WDR41: variants seen among roughly 807,000 people sequenced by gnomAD.
WDR41 encodes WD repeat-containing protein 41.
Under a neutral mutation model 69.3 loss-of-function variants are expected in WDR41, and 63 were observed. The ratio of observed to expected loss-of-function variants is 0.91; its 90% CI spans 0.74 to 1.12. The LOEUF (loss-of-function observed/expected upper bound fraction) is 1.12, where lower values mean the gene tolerates loss of function less well. Among genes scored for constraint, WDR41 ranks in the 50% most tolerant of loss-of-function variants. The probability of loss-of-function intolerance (pLI) is 0.00; values close to 1 mark genes in which losing one functional copy is unlikely to be tolerated. For synonymous variants in WDR41, 185 were observed against 192.1 expected, an observed-to-expected ratio of 0.96 and a Z score of 0.31; for missense variants, 543 against 534.5, an observed-to-expected ratio of 1.02 and a Z score of -0.16.
intron 1 of WDR41, among the ~76,000 whole-genome samples, chr5:77,609,947 C>A (rs1379435951): frequency 5.9e-5 from 9 of 151,962 alleles, no homozygotes; most frequent in African/African-American, 2.2e-4. Context: ...ATAACCAATA[C>A]AGAGAAGTGC....
intron 9 of WDR41, among the ~76,000 whole-genome samples, chr5:77,439,070 G>A (rs1799055676): frequency 6.6e-6 from 1 of 152,132 alleles, no homozygotes; most frequent in Admixed American, 6.5e-5. Flanking sequence ...AATGAAACAT[G>A]GAGTCAATAT....
At chr5:77,588,874 A>G (rs745621241) in intron 1 of WDR41, among the ~76,000 whole-genome samples, 53 of 152,356 alleles carry the variant, frequency 3.5e-4, no homozygotes, top group Middle Eastern at 3.4e-3. Flanking sequence ...AAAGAAGCTT[A>G]TATGACAGAT....
chr5:77,504,630 A>G (rs943828502), intron 1 of WDR41, among the ~76,000 whole-genome samples: 14 of 152,200 alleles, frequency 9.2e-5, no homozygotes, highest in African/African-American at 3.1e-4. Flanking sequence ...CCTCAATAAA[A>G]TACTGGCAAA....
intron 1 of WDR41, among the ~76,000 whole-genome samples, chr5:77,559,141 T>C (rs1337932570): frequency 6.6e-6 from 1 of 152,158 alleles, no homozygotes; most frequent in Non-Finnish European, 1.5e-5. Flanking sequence ...ACCAGCTATA[T>C]AGAGAGGGAA....
chr5:77,506,188 C>A (rs918926129), intron 1 of WDR41, among the ~76,000 whole-genome samples: 4 of 151,862 alleles, frequency 2.6e-5, no homozygotes, highest in African/African-American at 9.7e-5. Flanking sequence ...AACAAATTTA[C>A]AAGAAAAAAA....
intron 1 of WDR41, among the ~76,000 whole-genome samples, chr5:77,528,829 CTCA>C (rs774192883): frequency 2.6e-5 from 4 of 151,480 alleles, no homozygotes; most frequent in Non-Finnish European, 4.4e-5. Flanking sequence ...AATTCGATAT[CTCA>C]TCATTATTTT....
chr5:77,490,392 G>A (rs1801720172), intron 1 of WDR41, among the ~76,000 whole-genome samples: 1 of 152,130 alleles, frequency 6.6e-6, no homozygotes, highest in African/African-American at 2.4e-5. Context: ...AATGTCTCCA[G>A]ACATTGCCAA....
intron 1 of WDR41, among the ~76,000 whole-genome samples, chr5:77,556,435 T>C (rs73126033): frequency 0.17 from 25,479 of 151,784 alleles, 3,514 homozygotes; most frequent in African/African-American, 0.36. Context: ...TGAGGTGGAG[T>C]CTCGCTCTAC....
intron 2 of WDR41, among the ~76,000 whole-genome samples, chr5:77,486,094 G>A (rs377596333): frequency 1.3e-5 from 2 of 152,164 alleles, no homozygotes; most frequent in East Asian, 1.9e-4. Flanking sequence ...AAACTATTAA[G>A]AGTAAAAACA....
At chr5:77,549,918 T>C (rs1271832665) in intron 1 of WDR41, among the ~76,000 whole-genome samples, 1 of 151,852 alleles carries the variant, frequency 6.6e-6, no homozygotes, top group Non-Finnish European at 1.5e-5. Flanking sequence ...TGAAACAGAA[T>C]AGAAAACCCA....
intron 1 of WDR41, among the ~76,000 whole-genome samples, chr5:77,511,053 A>C (rs933481112): frequency 6.6e-6 from 1 of 152,118 alleles, no homozygotes; most frequent in Non-Finnish European, 1.5e-5. Flanking sequence ...CACCACACCC[A>C]GCCCAAATTT....
intron 1 of WDR41, among the ~76,000 whole-genome samples, chr5:77,515,673 A>T (rs1032699154): frequency 6.6e-6 from 1 of 152,178 alleles, no homozygotes; most frequent in Non-Finnish European, 1.5e-5. Flanking sequence ...CATGCATTGC[A>T]CTTTGACATC....
At chr5:77,556,904 G>A (rs1284326460) in intron 1 of WDR41, among the ~76,000 whole-genome samples, 2 of 152,086 alleles carry the variant, frequency 1.3e-5, no homozygotes. Flanking sequence ...GGGATGATTT[G>A]AACTTCTCCT....
intron 11 of WDR41, 110 bp downstream of exon 11, chr5:77,437,226 T>A (rs1798972958): frequency 1.1e-6 from 1 of 909,718 alleles, no homozygotes. Context: ...TGATGCCTAT[T>A]TGGAGCATTT....
upstream of WDR41, among the ~76,000 whole-genome samples, chr5:77,494,391 G>A (rs536037288): frequency 6.6e-6 from 1 of 151,548 alleles, no homozygotes; most frequent in African/African-American, 2.4e-5. Flanking sequence ...CCAAACTCTA[G>A]AATCCAACTA....
intron 5 of WDR41, among the ~76,000 whole-genome samples, chr5:77,456,295 C>T (rs1428708463): frequency 6.6e-6 from 1 of 152,100 alleles, no homozygotes; most frequent in African/African-American, 2.4e-5. Flanking sequence ...AGGCATAAGC[C>T]ACCCCGCCCA....
At chr5:77,552,436 C>G (rs1447715857) in intron 1 of WDR41, among the ~76,000 whole-genome samples, 1 of 152,104 alleles carries the variant, frequency 6.6e-6, no homozygotes, top group East Asian at 1.9e-4. Flanking sequence ...AACTGGAAGA[C>G]TCAGTTTAGT....
chr5:77,533,016 A>G (rs78072933), intron 1 of WDR41, among the ~76,000 whole-genome samples: 5,271 of 152,206 alleles, frequency 0.035, 131 homozygotes, highest in Middle Eastern at 0.1. Flanking sequence ...GTATTTCACA[A>G]TTTTTAAAAG....
At chr5:77,535,665 A>G (rs1019551319) in intron 1 of WDR41, among the ~76,000 whole-genome samples, 5 of 152,190 alleles carry the variant, frequency 3.3e-5, no homozygotes, top group African/African-American at 1.2e-4. Context: ...AGCTTCAGCC[A>G]TTTATCCTGG....
Sources: allele counts gnomAD v4.1 joint callset (sites outside exome capture counted in the v4.1 genomes callset), GRCh38; gene constraint gnomAD v4.1.1; transcripts MANE v1.5; gene names NCBI Gene and HGNC (gene_info 2026-07-23, HGNC 2026-07-21).